The following SLC43A1 variants were observed in gnomAD, a reference collection of about 807,000 sequenced individuals.
SLC43A1 encodes the protein solute carrier family 43 member 1.
SLC43A1 carries 31 observed loss-of-function variants against 59.5 expected under a neutral mutation model. That is an observed-to-expected ratio of 0.52 (90% CI 0.39 to 0.70). The LOEUF (loss-of-function observed/expected upper bound fraction) is 0.70, where lower values mean the gene tolerates loss of function less well. Among genes scored for constraint, SLC43A1 ranks in the 30% least tolerant of loss-of-function variants. The pLI, the probability that SLC43A1 is intolerant of heterozygous loss-of-function variation, is 0.00. For missense variants in SLC43A1, 598 were observed against 717.8 expected, an observed-to-expected ratio of 0.83 and a Z score of 1.91; for synonymous variants, 259 against 290.9, an observed-to-expected ratio of 0.89 and a Z score of 1.12.
chr11:57,485,369 A>G lies in SLC43A1; in HGVS notation c.1534-127T>C. 3 of 834,720 alleles carry G rather than the reference A, an allele frequency of 3.6e-6. No individual in the cohort carries two copies. The East Asian group carries it at 8.2e-5, about 23-fold the overall frequency. The allele number at this position is 834,720 out of a possible 1,614,324, so 51.7% of individuals were successfully genotyped here. The stretch of plus-strand genomic sequence containing the variant: ...AGAATAAATACAGCTAGTACTTATT[A>G]TGTGTAGTCATTGTTCCACCAGTAT... On this transcript the variant is annotated intron_variant, in intron 14 of 14. Coordinates refer to ENST00000278426, the MANE Select transcript of SLC43A1 (RefSeq NM_003627.6).
intron 14 of SLC43A1, among the ~76,000 whole-genome samples, chr11:57,485,470 G>C (rs1323762877): frequency 6.6e-6 from 1 of 152,208 alleles, no homozygotes; most frequent in Non-Finnish European, 1.5e-5. Flanking sequence ...AGGGCCTGGT[G>C]GGTGCCCACA....
At chr11:57,505,389 G>A (rs903311956) in intron 2 of SLC43A1, among the ~76,000 whole-genome samples, 9 of 152,020 alleles carry the variant, frequency 5.9e-5, no homozygotes, top group Non-Finnish European at 8.8e-5. Context: ...GTGGGTGCCT[G>A]TAATCCCAGC....
At chr11:57,501,751 C>G (rs1944272370) in intron 2 of SLC43A1, among the ~76,000 whole-genome samples, 1 of 152,132 alleles carries the variant, frequency 6.6e-6, no homozygotes. Context: ...TGTAATCCCA[C>G]CACTGTGGGA....
At chr11:57,507,503 C>T (rs928189082) in intron 2 of SLC43A1, among the ~76,000 whole-genome samples, 7 of 151,978 alleles carry the variant, frequency 4.6e-5, no homozygotes, top group Non-Finnish European at 8.8e-5. Flanking sequence ...ATTAGCCGTG[C>T]GTGGTGGTAC....
intron 13 of SLC43A1, among the ~76,000 whole-genome samples, chr11:57,487,621 G>A (rs1345248870): frequency 6.6e-6 from 1 of 151,980 alleles, no homozygotes; most frequent in Non-Finnish European, 1.5e-5. Flanking sequence ...TCCTGCCATC[G>A]AGGAGGTGGC....
In SLC43A1 at chr11:57,485,040, C is replaced by A; in HGVS notation, c.*56G>T. 1 of 1,558,536 alleles carries A rather than the reference C, an allele frequency of 6.4e-7. No individual in the cohort carries two copies. The highest frequency in any genetic ancestry group is 8.7e-7 in the Non-Finnish European group (1 of 1,155,490). On this transcript the variant is annotated 3_prime_UTR_variant, in exon 15 of 15. Coordinates refer to ENST00000278426, the MANE Select transcript of SLC43A1 (RefSeq NM_003627.6). ...GGTAGAAAAGCCATATGGGGCACTCCTTTTGGTTGCTCAGGCCTTGATTGC... is the reference window on the plus strand; with the variant it reads ...GGTAGAAAAGCCATATGGGGCACTCATTTTGGTTGCTCAGGCCTTGATTGC...
At chr11:57,487,628 T>C (rs1943780299) in intron 13 of SLC43A1, among the ~76,000 whole-genome samples, 1 of 151,462 alleles carries the variant, frequency 6.6e-6, no homozygotes, top group African/African-American at 2.4e-5. Flanking sequence ...ATCGAGGAGG[T>C]GGCATTCCCA....
chr11:57,514,258 C>T lies in SLC43A1; in HGVS notation c.-13-134G>A. 9.0e-7 allele frequency: 1 copy of T among 1,115,422 alleles called. No individual in the cohort carries two copies. The highest frequency in any genetic ancestry group is 1.2e-6 in the Non-Finnish European group (1 of 809,352). The allele number at this position is 1,115,422 out of a possible 1,614,324, so 69.1% of individuals were successfully genotyped here. ...CATGGAGGCCCCATAGAGCCCTGGG[C>T]TTCCCAGCCGGTGCCAAGGAGCTGG... On this transcript the variant is annotated intron_variant, in intron 1 of 14. Transcript: ENST00000278426. This position sits in a 1 kb window ranked among gnomAD's most constrained non-coding sequence, Gnocchi z 5.5.
chr11:57,492,049 G>A (rs900014125), intron 8 of SLC43A1, among the ~76,000 whole-genome samples, 187 bp from the exon 9 acceptor site: 2 of 151,972 alleles, frequency 1.3e-5, no homozygotes, highest in African/African-American at 4.8e-5. Flanking sequence ...GAACATTTTT[G>A]GATGTATGTC....
chr11:57,507,015 A>AT (rs1304552617), intron 2 of SLC43A1, among the ~76,000 whole-genome samples: 3 of 152,178 alleles, frequency 2.0e-5, no homozygotes, highest in Admixed American at 1.3e-4. Context: ...CCCAAAGTTG[A>AT]TACTAGTGAA....
intron 2 of SLC43A1, among the ~76,000 whole-genome samples, chr11:57,509,614 G>GAAGGAAGGAAGGAAGGAAGT (rs1944476411): frequency 8.0e-6 from 1 of 125,720 alleles, no homozygotes; most frequent in African/African-American, 3.0e-5. Flanking sequence ...AGGAAGGAAG[G>GAAGGAAGGAAGGAAGGAAGT]AAGGAAGGAA....
At chr11:57,493,960 C>T (rs1011145909) in intron 8 of SLC43A1, 33 bp downstream of exon 8, 7 of 1,544,848 alleles carry the variant, frequency 4.5e-6, no homozygotes, top group Middle Eastern at 3.4e-4. Flanking sequence ...CCATCACTAT[C>T]CCCCAAGGCC....
chr11:57,488,153 T>A (rs1943795558), intron 13 of SLC43A1, among the ~76,000 whole-genome samples: 1 of 152,180 alleles, frequency 6.6e-6, no homozygotes, highest in Non-Finnish European at 1.5e-5. Context: ...CCAGGGCAGA[T>A]GTGGGAGACT....
At chr11:57,491,932 C>T in intron 8 of SLC43A1, 70 bp from the exon 9 acceptor site, 1 of 1,486,926 alleles carries the variant, frequency 6.7e-7, no homozygotes, top group Non-Finnish European at 9.3e-7. Context: ...CCAGCTCATG[C>T]AGTTCTTGGG....
rs188249078 is a variant in SLC43A1 at position 57,493,785 on chromosome 11, C to T, written c.871+208G>A. ...CTCCTCCCTCCCCAATCCCAGGAAT[C>T]CAGCAGGGTAACCCTGAATCTGAAC... is the stretch of plus-strand genomic sequence containing the variant. On this transcript the variant is annotated intron_variant, in intron 8 of 14. Coordinates refer to ENST00000278426, the MANE Select transcript of SLC43A1 (RefSeq NM_003627.6). Among the ~76,000 whole-genome samples the T allele has an allele frequency of 2.0e-5, 3 of 152,314 alleles. No individual in the cohort carries two copies. The East Asian group carries it at 5.8e-4, about 29-fold the overall frequency.
chr11:57,498,149 C>T (rs1944143333), intron 5 of SLC43A1, among the ~76,000 whole-genome samples: 1 of 152,142 alleles, frequency 6.6e-6, no homozygotes, highest in Non-Finnish European at 1.5e-5. Flanking sequence ...GCTTAAGAAA[C>T]ACTGATCTTG....
chr11:57,509,706 G>A (rs973717494), intron 2 of SLC43A1, among the ~76,000 whole-genome samples: 1 of 121,310 alleles, frequency 8.2e-6, no homozygotes, highest in African/African-American at 3.8e-5. Flanking sequence ...GGGAGGGAGA[G>A]AGGGAGGGAG....
Position 57,506,584 on chromosome 11 carries a change from CTAT to C in SLC43A1, c.155-5258_155-5256del, listed in dbSNP as rs1207549677. On this transcript the variant is annotated intron_variant, in intron 2 of 14. Transcript: ENST00000278426. Reference sequence around the variant, plus strand: ...GATTGGGCTCTCGCTGGTGTCTTGTCTATGGCTGGATTCCCCCAGGAGAGCCCT... The same window carrying C: ...GATTGGGCTCTCGCTGGTGTCTTGTCGGCTGGATTCCCCCAGGAGAGCCCT... 5.9e-5 allele frequency among the ~76,000 whole-genome samples: 9 copies of C among 152,144 alleles called. No individual in the cohort carries two copies. In the South Asian group the frequency reaches 1.2e-3, roughly 21 times the overall value.
In SLC43A1 at chr11:57,501,282, C is replaced by G. The variant is rs1160978423; in HGVS notation, c.202G>C (p.Gly68Arg). 1.9e-6 allele frequency: 3 copies of G among 1,611,808 alleles called. No individual in the cohort carries two copies. The highest frequency in any genetic ancestry group is 2.5e-6 in the Non-Finnish European group (3 of 1,180,030). ...TTQDEQRRWP[G>R]CDQQDEMLNL... is the part of the protein sequence containing the mutation. ...AGCATCTCGTCCTGCTGGTCACAGC[C>G]TGGCCACCTGCGCTGCTCATCCTGG... is the stretch of plus-strand genomic sequence containing the variant. The change falls in exon 3 of 15, where the codon GGC becomes CGC. Residue 68 changes from glycine to arginine, a missense_variant. By Grantham distance (125) the Gly-to-Arg change is moderately radical (BLOSUM62 -2). Transcript: ENST00000278426.
Sources: allele counts gnomAD v4.1 joint callset (sites outside exome capture counted in the v4.1 genomes callset), GRCh38; gene constraint gnomAD v4.1.1; non-coding constraint Gnocchi (gnomAD v3.1); transcripts MANE v1.5; gene names NCBI Gene and HGNC (gene_info 2026-07-23, HGNC 2026-07-21).